The following CD81 variants were observed in gnomAD, a reference collection of about 807,000 sequenced individuals.
CD81 encodes the protein CD81 antigen.
In CD81, 10 loss-of-function variants were observed where a neutral mutation model predicts 30.1. The ratio of observed to expected loss-of-function variants is 0.33; its 90% CI spans 0.21 to 0.56. CD81 has a LOEUF of 0.56. CD81 is among the 20% of genes least tolerant of loss of function. CD81 has a pLI of 0.89. For missense variants in CD81, 263 were observed against 308.7 expected (o/e 0.85, Z 1.11); for synonymous variants, 147 against 126.4 (o/e 1.16, Z -1.10).
intron 1 of CD81, among the ~76,000 whole-genome samples, chr11:2,389,663 C>T (rs1182484362): frequency 5.3e-5 from 8 of 152,258 alleles, no homozygotes; most frequent in South Asian, 2.1e-4. Flanking sequence ...AGCGCTGGGC[C>T]GGCTTCTGCG....
In CD81 at chr11:2,395,989, G is replaced by C; in HGVS notation, c.561+19G>C. On this transcript the variant is annotated intron_variant, in intron 6 of 7. Transcript: ENST00000263645. ...CTTCAAGGTGCGCGAGGCCGGTGGG[G>C]CCGCGCCTGACCCCCCGCATGTCCC... is the stretch of plus-strand genomic sequence containing the variant. 6.5e-7 allele frequency: 1 copy of C among 1,537,340 alleles called. No individual in the cohort carries two copies. The highest frequency in any genetic ancestry group is 1.7e-5 in the Admixed American group (1 of 59,924).
intron 1 of CD81, among the ~76,000 whole-genome samples, chr11:2,383,957 G>T (rs540953566): frequency 1.6e-3 from 251 of 152,320 alleles, no homozygotes; most frequent in Non-Finnish European, 3.1e-3. Flanking sequence ...CGGGGCCTGC[G>T]GGGGCAGCGA....
chr11:2,381,493 G>A lies in CD81; in HGVS notation c.66+3878G>A, dbSNP rs566178466. On this transcript the variant is annotated intron_variant, in intron 1 of 7. Transcript: ENST00000263645. ...ATCCCTTTCTCATAACTGCTTCCAA[G>A]CCCAGACAAGGAGACAGACCCCAAA... Among the ~76,000 whole-genome samples the A allele has an allele frequency of 4.9e-4, 75 of 152,330 alleles. 1 individual carries two copies. The South Asian group carries it at 0.013, about 26-fold the overall frequency.
At chr11:2,394,493 C>T (rs1849962115) in intron 3 of CD81, among the ~76,000 whole-genome samples, 1 of 152,238 alleles carries the variant, frequency 6.6e-6, no homozygotes, top group Non-Finnish European at 1.5e-5. Flanking sequence ...CTGTGGGAAG[C>T]CCAGGCCTGG....
chr11:2,394,816 A>G (rs1181382546), intron 3 of CD81, 156 bp from the exon 4 acceptor site: 2 of 732,504 alleles, frequency 2.7e-6, no homozygotes, highest in Non-Finnish European at 4.9e-6. Flanking sequence ...TCTGTGCCCC[A>G]GGGCTCCACA....
At position 2,395,451 on chromosome 11, in the gene CD81, C is replaced by G; in HGVS notation, c.390C>G (p.Ala130=). The part of the protein sequence containing the change: ...AKDVKQFYDQ[A]LQQAVVDDDA... ...ATGTGAAGCAGTTCTATGACCAGGCCCTACAGCAGGCCGTGGTGGATGATG... is the reference window on the plus strand; with the variant it reads ...ATGTGAAGCAGTTCTATGACCAGGCGCTACAGCAGGCCGTGGTGGATGATG... Residue 130 remains alanine, a synonymous_variant, in exon 5 of 8, where the codon GCC becomes GCG. Coordinates refer to ENST00000263645, the MANE Select transcript of CD81 (RefSeq NM_004356.4). 1 of 1,612,818 alleles carries G rather than the reference C, an allele frequency of 6.2e-7. No homozygotes were observed.
chr11:2,394,901 C>G (rs1849968762), intron 3 of CD81, 71 bp from the exon 4 acceptor site: 2 of 1,400,770 alleles, frequency 1.4e-6, no homozygotes, highest in South Asian at 2.3e-5. Flanking sequence ...TGCTGGGCAC[C>G]TGGGTGTGTG....
At position 2,384,018 on chromosome 11, in the gene CD81, G is replaced by A. The variant is rs1208098761; in HGVS notation, c.67-6394G>A. The stretch of plus-strand genomic sequence containing the variant: ...ACCTAGGCCTGCCCGGGCAGCGCCT[G>A]CTGCCTTTTGCTCCCTTTCAGCTGC... On this transcript the variant is annotated intron_variant, in intron 1 of 7. Transcript: ENST00000263645. Among the ~76,000 whole-genome samples, 10 of 152,204 alleles carry A rather than the reference G, an allele frequency of 6.6e-5. 1 individual carries two copies. Among genetic ancestry groups the A allele is most frequent in the Admixed American group, 6.5e-4 (10 of 15,288 alleles).
chr11:2,396,367 G>A (rs796526629), intron 6 of CD81: 7 of 596,078 alleles, frequency 1.2e-5, no homozygotes, highest in African/African-American at 1.1e-4. Context: ...GGGGTCTAGT[G>A]ACACCAATGA....
At chr11:2,376,625 T>C (rs748328382), upstream of CD81, among the ~76,000 whole-genome samples, 5 of 152,146 alleles carry the variant, frequency 3.3e-5, no homozygotes, top group Non-Finnish European at 5.9e-5. Context: ...TATCTGGAGG[T>C]TCTCCTATAG....
At chr11:2,394,885 C>A in intron 3 of CD81, 87 bp from the exon 4 acceptor site, 1 of 1,247,850 alleles carries the variant, frequency 8.0e-7, no homozygotes, top group Non-Finnish European at 1.2e-6. Flanking sequence ...CCCTCACAGA[C>A]ACGCCTGCTG....
intron 6 of CD81, 171 bp from the exon 7 acceptor site, chr11:2,396,457 G>A (rs190862293): frequency 6.9e-5 from 46 of 666,616 alleles, no homozygotes; most frequent in African/African-American, 4.6e-4. Flanking sequence ...ATAGCAAGCC[G>A]GCAGAGGCCG....
intron 1 of CD81, among the ~76,000 whole-genome samples, chr11:2,387,129 G>C (rs1041517953): frequency 5.9e-5 from 9 of 152,220 alleles, no homozygotes; most frequent in Admixed American, 4.6e-4. Flanking sequence ...AGGAGGGGTG[G>C]TCCCTGCCCA....
intron 1 of CD81, among the ~76,000 whole-genome samples, chr11:2,383,941 G>C (rs1312412575): frequency 6.6e-6 from 1 of 152,118 alleles, no homozygotes; most frequent in Non-Finnish European, 1.5e-5. Flanking sequence ...CTGGCTCCTG[G>C]CTGTCCGGGG....
chr11:2,380,836 C>T (rs994200858), intron 1 of CD81, among the ~76,000 whole-genome samples: 5 of 152,218 alleles, frequency 3.3e-5, no homozygotes, highest in South Asian at 2.1e-4. Flanking sequence ...CACCAGTCCC[C>T]GCAGGGAGAA....
chr11:2,396,478 C>T, intron 6 of CD81, 150 bp from the exon 7 acceptor site: 2 of 747,892 alleles, frequency 2.7e-6, no homozygotes, highest in South Asian at 1.5e-5. Flanking sequence ...GGCCGCTGCA[C>T]CCGCCTGTTC....
intron 1 of CD81, among the ~76,000 whole-genome samples, chr11:2,387,650 C>A (rs917376341): frequency 2.0e-5 from 3 of 152,146 alleles, no homozygotes; most frequent in Non-Finnish European, 4.4e-5. Flanking sequence ...CTGCAGGATT[C>A]TGGAAGCCAG....
At chr11:2,395,135 C>A in intron 4 of CD81, 89 bp downstream of exon 4, 1 of 1,083,648 alleles carries the variant, frequency 9.2e-7, no homozygotes, top group Non-Finnish European at 1.4e-6. Flanking sequence ...TGACTCATGG[C>A]TTGTGGGAGC....
rs756776053 is a variant in CD81 at position 2,396,725 on chromosome 11, G to C, written c.648+11G>C. ...GTCGCTGTGATCATGGTGAGCGGGC[G>C]GGGGCGGAGGGCCTGCTCTCTGGGC... is the stretch of plus-strand genomic sequence containing the variant. On this transcript the variant is annotated intron_variant, in intron 7 of 7. Coordinates refer to ENST00000263645, the MANE Select transcript of CD81 (RefSeq NM_004356.4). 2 of 1,611,404 alleles carry C rather than the reference G, an allele frequency of 1.2e-6. No homozygotes were observed. The highest frequency in any genetic ancestry group is 8.5e-7 in the Non-Finnish European group (1 of 1,179,882).
Sources: gnomAD v4.1 joint callset for allele counts (sites outside exome capture counted in the v4.1 genomes callset) on GRCh38, gnomAD v4.1.1 for gene constraint, MANE v1.5 for transcripts, NCBI Gene and HGNC (gene_info 2026-07-23, HGNC 2026-07-21) for gene names.